RFTN2: variants seen among roughly 807,000 people sequenced by gnomAD.
The protein encoded by RFTN2 is raftlin-2.
In RFTN2, 34 loss-of-function variants were observed where a neutral mutation model predicts 52.7. The observed-to-expected ratio is 0.64, with a 90% confidence interval of 0.49 to 0.86. The LOEUF (loss-of-function observed/expected upper bound fraction) is 0.86. Ranked by LOEUF, RFTN2 falls within the 40% of genes least tolerant of loss-of-function variation. RFTN2 has a pLI of 0.00. For synonymous variants in RFTN2, 203 were observed against 217.7 expected, an observed-to-expected ratio of 0.93 and a Z score of 0.59; for missense variants, 536 against 600.1, an observed-to-expected ratio of 0.89 and a Z score of 1.12.
intron 1 of RFTN2, among the ~76,000 whole-genome samples, chr2:197,670,453 A>G (rs989928561): frequency 1.3e-5 from 2 of 152,176 alleles, no homozygotes; most frequent in East Asian, 3.8e-4. Context: ...TGATTCTAAC[A>G]GTTTACCCAC....
At chr2:197,585,688 T>C (rs1339423925) in intron 8 of RFTN2, among the ~76,000 whole-genome samples, 1 of 152,150 alleles carries the variant, frequency 6.6e-6, no homozygotes, top group Non-Finnish European at 1.5e-5. Context: ...TACACAGCTG[T>C]CCCCGCCTTA....
chr2:197,608,967 C>CT (rs1248928153), intron 7 of RFTN2, among the ~76,000 whole-genome samples: 3 of 152,132 alleles, frequency 2.0e-5, no homozygotes, highest in East Asian at 3.9e-4. Flanking sequence ...TGAACTCATC[C>CT]TTTTTTTATG....
intron 1 of RFTN2, among the ~76,000 whole-genome samples, chr2:197,649,082 G>A (rs936594876): frequency 1.3e-5 from 2 of 152,098 alleles, no homozygotes; most frequent in East Asian, 3.8e-4. Context: ...GCATAAAAAA[G>A]GCAAGCAATC....
chr2:197,615,227 T>C (rs1051255376), intron 7 of RFTN2, among the ~76,000 whole-genome samples: 1 of 152,200 alleles, frequency 6.6e-6, no homozygotes, highest in African/African-American at 2.4e-5. Context: ...TTGACTCTGC[T>C]AAAAGGGAAG....
intron 8 of RFTN2, among the ~76,000 whole-genome samples, chr2:197,584,597 A>G (rs980117169): frequency 3.9e-5 from 6 of 152,186 alleles, no homozygotes; most frequent in Admixed American, 1.3e-4. Flanking sequence ...TTTGCTGTGC[A>G]GAAGCTCTTT....
At chr2:197,601,498 G>A (rs1243471847) in intron 7 of RFTN2, among the ~76,000 whole-genome samples, 1 of 152,034 alleles carries the variant, frequency 6.6e-6, no homozygotes, top group East Asian at 1.9e-4. Context: ...TTGAGACTCA[G>A]CTTTTAAGAC....
intron 7 of RFTN2, among the ~76,000 whole-genome samples, chr2:197,605,454 A>T: frequency 6.6e-6 from 1 of 151,806 alleles, no homozygotes; most frequent in East Asian, 1.9e-4. Context: ...TGACCTCATG[A>T]TCCGCCCGCC....
At chr2:197,649,456 G>A (rs1438100608) in intron 1 of RFTN2, among the ~76,000 whole-genome samples, 1 of 152,156 alleles carries the variant, frequency 6.6e-6, no homozygotes, top group Admixed American at 6.5e-5. Context: ...AAAGAAATCT[G>A]GGAGAAGATT....
In RFTN2 at chr2:197,629,702, A is replaced by ATTTATTTTATTTTAT. The variant is rs57395567; in HGVS notation, c.928+1294_928+1308dup. On this transcript the variant is annotated intron_variant, in intron 5 of 8. Transcript: ENST00000295049. Reference sequence around the variant, plus strand: ...CACACACACACACACACACACACATATTTATTTTATTTTATTTTATTTTAT... The same window carrying ATTTATTTTATTTTAT: ...CACACACACACACACACACACACATATTTATTTTATTTTATTTTATTTTATTTTATTTTATTTTAT... 1.5e-4 allele frequency among the ~76,000 whole-genome samples: 22 copies of ATTTATTTTATTTTAT among 142,010 alleles called. No homozygotes were observed. In the East Asian group the frequency reaches 2.8e-3, roughly 18 times the overall value. The allele number at this position is 142,010 out of a possible 152,430, so 93.2% of individuals were successfully genotyped here.
intron 8 of RFTN2, among the ~76,000 whole-genome samples, chr2:197,583,744 C>T (rs2087548245): frequency 6.6e-6 from 1 of 151,634 alleles, no homozygotes; most frequent in South Asian, 2.1e-4. Context: ...TCATTGTTTA[C>T]ATTAGGTATA....
intron 7 of RFTN2, among the ~76,000 whole-genome samples, chr2:197,600,088 A>G (rs1042700746): frequency 1.3e-5 from 2 of 152,112 alleles, no homozygotes; most frequent in Admixed American, 1.3e-4. Context: ...TGAACTCCTG[A>G]TATCAGGTGA....
chr2:197,585,574 C>T (rs1357792375), intron 8 of RFTN2, among the ~76,000 whole-genome samples: 3 of 152,136 alleles, frequency 2.0e-5, no homozygotes, highest in Non-Finnish European at 2.9e-5. Flanking sequence ...TCTACCTCTC[C>T]CCAGCTATCT....
At chr2:197,589,091 C>T (rs193252067) in intron 8 of RFTN2, among the ~76,000 whole-genome samples, 8 of 151,748 alleles carry the variant, frequency 5.3e-5, no homozygotes, top group East Asian at 1.9e-4. Context: ...TGTGGTGCTA[C>T]GCGCCTGTAA....
chr2:197,673,078 T>C (rs1426386536), intron 1 of RFTN2, among the ~76,000 whole-genome samples: 1 of 152,140 alleles, frequency 6.6e-6, no homozygotes, highest in Non-Finnish European at 1.5e-5. Context: ...TGCCATGGCC[T>C]CTATTTGGAA....
intron 2 of RFTN2, 45 bp from the exon 3 acceptor site, chr2:197,644,317 T>C (rs748843040): frequency 1.9e-6 from 2 of 1,037,566 alleles, no homozygotes; most frequent in East Asian, 4.7e-5. Context: ...CAATTGCTGC[T>C]TTTCAGCTAA....
chr2:197,610,256 T>C (rs921515298), intron 7 of RFTN2, among the ~76,000 whole-genome samples: 1 of 152,232 alleles, frequency 6.6e-6, no homozygotes, highest in African/African-American at 2.4e-5. Context: ...GAGCATGGAA[T>C]GTTCTTCCAT....
At chr2:197,610,791 A>T (rs961366940) in intron 7 of RFTN2, among the ~76,000 whole-genome samples, 5 of 152,218 alleles carry the variant, frequency 3.3e-5, no homozygotes. Flanking sequence ...TGTTCTATCA[A>T]TACCTAGTTT....
intron 1 of RFTN2, among the ~76,000 whole-genome samples, chr2:197,674,004 C>T (rs2089181030): frequency 6.6e-6 from 1 of 151,938 alleles, no homozygotes; most frequent in Non-Finnish European, 1.5e-5. Flanking sequence ...GAACATAGCA[C>T]CACATTACAA....
chr2:197,617,739 A>AT (rs2088168988), intron 6 of RFTN2, 61 bp downstream of exon 6: 1 of 638,282 alleles, frequency 1.6e-6, no homozygotes, highest in South Asian at 5.1e-5. Flanking sequence ...CCAAACATAT[A>AT]TATATATTAT....
Sources: allele counts gnomAD v4.1 joint callset (sites outside exome capture counted in the v4.1 genomes callset), GRCh38; gene constraint gnomAD v4.1.1; transcripts MANE v1.5; gene names NCBI Gene and HGNC (gene_info 2026-07-23, HGNC 2026-07-21).